Variants in COL11A1 observed in about 807,000 individuals in gnomAD.
COL11A1 encodes the protein collagen alpha-1(XI) chain.
Under a neutral mutation model 265.2 loss-of-function variants are expected in COL11A1, and 74 were observed. The ratio of observed to expected loss-of-function variants is 0.28; its 90% CI spans 0.23 to 0.34. The LOEUF is 0.34. Among genes scored for constraint, COL11A1 ranks in the 10% least tolerant of loss-of-function variants. The pLI is 1.00. For synonymous variants in COL11A1, 816 were observed against 727.6 expected, an observed-to-expected ratio of 1.12 and a Z score of -1.96; for missense variants, 2,165 against 2,263.6, an observed-to-expected ratio of 0.96 and a Z score of 0.88.
chr1:103,016,530 T>C (rs953930108), intron 11 of COL11A1, among the ~76,000 whole-genome samples: 2 of 151,932 alleles, frequency 1.3e-5, no homozygotes, highest in African/African-American at 4.8e-5. Flanking sequence ...TAAGGAGACA[T>C]TTCTACATAG....
chr1:103,033,814 T>C (rs1366322917), intron 4 of COL11A1, among the ~76,000 whole-genome samples: 1 of 151,912 alleles, frequency 6.6e-6, no homozygotes, highest in African/African-American at 2.4e-5. Flanking sequence ...TTTCTTTGTT[T>C]TAAGAGTGGT....
In COL11A1 at chr1:102,889,457, C is replaced by T; in HGVS notation, c.4462G>A (p.Gly1488Arg). Reference sequence around the variant, plus strand: ...AAATAACCTATATTTTTACTCACCCCATCCCCTTTTGCTCCTGGAGATCCT... The same window carrying T: ...AAATAACCTATATTTTTACTCACCCTATCCCCTTTTGCTCCTGGAGATCCT... ...TQGSPGAKGD[G>R]GIPGPAGPLG... Residue 1488 changes from glycine to arginine, a missense_variant and splice_region_variant, in exon 59 of 67, where the codon GGG becomes AGG. Transcript: ENST00000370096. 1 of 1,609,760 alleles carries T rather than the reference C, an allele frequency of 6.2e-7. No individual in the cohort carries two copies. Among genetic ancestry groups the T allele is most frequent in the Non-Finnish European group, 8.5e-7 (1 of 1,177,622 alleles).
intron 42 of COL11A1, among the ~76,000 whole-genome samples, chr1:102,942,412 C>T (rs1658812895): frequency 6.6e-6 from 1 of 152,158 alleles, no homozygotes; most frequent in Admixed American, 6.6e-5. Flanking sequence ...ATCTACAGCA[C>T]TCTAAATTTA....
At chr1:103,077,594 T>C (rs1672076405) in intron 3 of COL11A1, among the ~76,000 whole-genome samples, 1 of 151,978 alleles carries the variant, frequency 6.6e-6, no homozygotes, top group Non-Finnish European at 1.5e-5. Flanking sequence ...AAAAATATAA[T>C]GAGTGTCAAT....
At chr1:103,002,692 G>C (rs1348842373) in intron 22 of COL11A1, 55 bp downstream of exon 22, 3 of 1,484,474 alleles carry the variant, frequency 2.0e-6, no homozygotes, top group Non-Finnish European at 2.8e-6. Flanking sequence ...ACAAAAAATG[G>C]TTTCTTAGGG....
intron 47 of COL11A1, 122 bp downstream of exon 47, chr1:102,923,211 TGTC>T: frequency 1.3e-6 from 1 of 757,546 alleles, no homozygotes; most frequent in South Asian, 1.9e-5. Context: ...AACTAAATCA[TGTC>T]AGTTGCTTAT....
chr1:103,061,008 A>G (rs561550608), intron 4 of COL11A1, among the ~76,000 whole-genome samples: 27 of 152,296 alleles, frequency 1.8e-4, no homozygotes, highest in Admixed American at 5.2e-4. Context: ...CATGTTGTCT[A>G]CAAGAGACAC....
At chr1:103,047,926 A>G (rs1404793712) in intron 4 of COL11A1, among the ~76,000 whole-genome samples, 1 of 152,172 alleles carries the variant, frequency 6.6e-6, no homozygotes, top group Admixed American at 6.5e-5. Flanking sequence ...CGTCTGTTGA[A>G]CAAGCCTTGC....
chr1:102,976,831 T>C (rs1662540085), intron 35 of COL11A1, among the ~76,000 whole-genome samples: 1 of 152,194 alleles, frequency 6.6e-6, no homozygotes, highest in Non-Finnish European at 1.5e-5. Flanking sequence ...TCCAGGTGTC[T>C]TGGTTCTGTT....
At position 103,023,004 on chromosome 1, in the gene COL11A1, T is replaced by C. The variant is rs760610740; in HGVS notation, c.991-8A>G. On this transcript the variant is annotated splice_polypyrimidine_tract_variant and splice_region_variant and intron_variant, in intron 7 of 66. Coordinates refer to ENST00000370096, the MANE Select transcript of COL11A1 (RefSeq NM_001854.4). ...TTCTTCAACTGGATTTGGCTATTAA[T>C]TTAAATTGCAAGGAATTGAGGAACA... 1 of 1,610,478 alleles carries C rather than the reference T, an allele frequency of 6.2e-7. No individual in the cohort carries two copies. The highest frequency in any genetic ancestry group is 8.5e-7 in the Non-Finnish European group (1 of 1,178,042).
rs76635021 is a variant in COL11A1 at position 103,029,940 on chromosome 1, T to C, written c.780+1176A>G. 4.7e-4 allele frequency among the ~76,000 whole-genome samples: 72 copies of C among 152,174 alleles called. 2 individuals carry two copies. In the East Asian group the frequency reaches 0.013, roughly 27 times the overall value. On this transcript the variant is annotated intron_variant, in intron 5 of 66. Transcript: ENST00000370096. ...ATATCTGTTGCTAAAAAGAATAATA[T>C]GCCTTATCTTTCTTTATAAAGGAGC...
At chr1:103,059,937 G>A (rs533481078) in intron 4 of COL11A1, among the ~76,000 whole-genome samples, 1 of 151,594 alleles carries the variant, frequency 6.6e-6, no homozygotes, top group East Asian at 1.9e-4. Context: ...AGAGAGAAAA[G>A]AATAGAACCA....
chr1:102,896,612 T>C (rs1358774369), intron 57 of COL11A1, among the ~76,000 whole-genome samples: 2 of 152,178 alleles, frequency 1.3e-5, no homozygotes, highest in African/African-American at 4.8e-5. Context: ...ATGTTTATCA[T>C]TCCGCTTTAC....
At chr1:102,940,219 G>T in intron 43 of COL11A1, 108 bp downstream of exon 43, 2 of 884,150 alleles carry the variant, frequency 2.3e-6, no homozygotes, top group African/African-American at 1.7e-5. Flanking sequence ...CTTTGAAAAA[G>T]GTAACCTTTC....
chr1:102,995,739 T>C, intron 28 of COL11A1, 125 bp downstream of exon 28: 1 of 793,710 alleles, frequency 1.3e-6, no homozygotes, highest in Non-Finnish European at 2.1e-6. Context: ...GAATACAAAA[T>C]TATACTAGCA....
chr1:103,048,971 G>T (rs12144496), intron 4 of COL11A1, among the ~76,000 whole-genome samples: 20,912 of 151,998 alleles, frequency 0.14, 1,543 homozygotes, highest in African/African-American at 0.15. Context: ...AGACAGTTTG[G>T]TATAATTTCT....
chr1:102,967,259 G>C, intron 37 of COL11A1, among the ~76,000 whole-genome samples: 1 of 5,336 alleles, frequency 1.9e-4, no homozygotes, highest in East Asian at 0.05. Flanking sequence ...TTTTTTTTTT[G>C]AGACGGAGTC....
chr1:102,962,884 C>A, intron 38 of COL11A1, 124 bp from the exon 39 acceptor site: 1 of 811,462 alleles, frequency 1.2e-6, no homozygotes, highest in South Asian at 1.5e-5. Flanking sequence ...TCATGATGTC[C>A]TACAAAACAC....
intron 18 of COL11A1, 44 bp from the exon 19 acceptor site, chr1:103,004,705 GAATGTTTAC>G: frequency 6.6e-7 from 1 of 1,520,050 alleles, no homozygotes; most frequent in Non-Finnish European, 9.1e-7. Flanking sequence ...GAAAGAAGTA[GAATGTTTAC>G]AAGTCTATCA....
Sources: allele counts gnomAD v4.1 joint callset (sites outside exome capture counted in the v4.1 genomes callset), GRCh38; gene constraint gnomAD v4.1.1; transcripts MANE v1.5; gene names NCBI Gene and HGNC (gene_info 2026-07-23, HGNC 2026-07-21).